The following CCDC192 variants were observed in gnomAD, a reference collection of about 807,000 sequenced individuals.
CCDC192 encodes the protein coiled-coil domain containing 192, also known as coiled-coil domain-containing protein 192.
chr5:127,739,285 G>T (rs370722914), intron 2 of CCDC192, among the ~76,000 whole-genome samples: 1 of 152,162 alleles, frequency 6.6e-6, no homozygotes, highest in African/African-American at 2.4e-5. Flanking sequence ...CAGTCTGCCC[G>T]TTCTCAGATC....
chr5:127,825,801 T>G (rs1749502370), intron 5 of CCDC192, among the ~76,000 whole-genome samples: 1 of 152,244 alleles, frequency 6.6e-6, no homozygotes, highest in African/African-American at 2.4e-5. Context: ...TTAGCCACAT[T>G]GTTAAAATTT....
At chr5:127,744,430 T>C (rs1753621920) in intron 2 of CCDC192, among the ~76,000 whole-genome samples, 1 of 152,068 alleles carries the variant, frequency 6.6e-6, no homozygotes, top group Non-Finnish European at 1.5e-5. Flanking sequence ...GTAAAATGTG[T>C]TTATCTGGCA....
intron 2 of CCDC192, among the ~76,000 whole-genome samples, chr5:127,716,648 A>T (rs1751637452): frequency 6.6e-6 from 1 of 151,920 alleles, no homozygotes; most frequent in Non-Finnish European, 1.5e-5. Context: ...TTCTCTTTTT[A>T]TATTTAGGTC....
intron 6 of CCDC192, among the ~76,000 whole-genome samples, chr5:127,900,052 T>G (rs1428037916): frequency 6.6e-6 from 1 of 152,244 alleles, no homozygotes; most frequent in African/African-American, 2.4e-5. Flanking sequence ...TGTTAACACT[T>G]ACTTTGAATA....
At chr5:127,889,724 T>A (rs1349815590) in intron 6 of CCDC192, among the ~76,000 whole-genome samples, 2 of 152,182 alleles carry the variant, frequency 1.3e-5, no homozygotes, top group Non-Finnish European at 2.9e-5. Flanking sequence ...TTTAAATTGA[T>A]TGGCCTCCCT....
intron 6 of CCDC192, among the ~76,000 whole-genome samples, chr5:127,922,470 G>A (rs1441352756): frequency 1.3e-5 from 2 of 152,224 alleles, no homozygotes; most frequent in African/African-American, 4.8e-5. Flanking sequence ...CAGGCATGGT[G>A]GCTCATGCCT....
intron 6 of CCDC192, among the ~76,000 whole-genome samples, chr5:127,919,049 G>GTT (rs1253946434): frequency 7.4e-6 from 1 of 135,114 alleles, no homozygotes; most frequent in African/African-American, 2.8e-5. Flanking sequence ...GTATATATCT[G>GTT]TGTGTGTATG....
intron 6 of CCDC192, among the ~76,000 whole-genome samples, chr5:127,877,610 A>G (rs1490487703): frequency 6.6e-6 from 1 of 152,160 alleles, no homozygotes; most frequent in East Asian, 1.9e-4. Context: ...CCCACATTCA[A>G]TAGTCCGGGA....
chr5:127,925,774 T>C (rs1208182733), intron 6 of CCDC192, among the ~76,000 whole-genome samples: 1 of 152,214 alleles, frequency 6.6e-6, no homozygotes, highest in Non-Finnish European at 1.5e-5. Flanking sequence ...ACCACTTTCA[T>C]GGCTGTCTCT....
At chr5:127,819,685 G>T (rs1580708070) in intron 5 of CCDC192, among the ~76,000 whole-genome samples, 1 of 152,242 alleles carries the variant, frequency 6.6e-6, no homozygotes, top group East Asian at 1.9e-4. Context: ...CTATTTTATA[G>T]ATTGCACCAT....
chr5:127,846,735 G>T (rs372906420), intron 5 of CCDC192, among the ~76,000 whole-genome samples: 1 of 147,038 alleles, frequency 6.8e-6, no homozygotes, highest in East Asian at 2.0e-4. Flanking sequence ...CTCCAAAACT[G>T]CTGGGATTAC....
intron 6 of CCDC192, among the ~76,000 whole-genome samples, chr5:127,916,916 G>T (rs565634189): frequency 6.6e-6 from 1 of 152,158 alleles, no homozygotes; most frequent in African/African-American, 2.4e-5. Context: ...CCTGCCCTTT[G>T]AAGCCAGGCA....
intron 5 of CCDC192, among the ~76,000 whole-genome samples, chr5:127,871,716 T>C (rs1176131762): frequency 5.3e-5 from 8 of 152,246 alleles, no homozygotes; most frequent in Non-Finnish European, 1.0e-4. Flanking sequence ...CTTCTATGAA[T>C]AGCTCCCTGG....
At chr5:127,888,133 C>T (rs903260335) in intron 6 of CCDC192, among the ~76,000 whole-genome samples, 37 of 151,734 alleles carry the variant, frequency 2.4e-4, no homozygotes, top group African/African-American at 8.7e-4. Flanking sequence ...AAAGTCAGGA[C>T]AGCCGGGTGC....
chr5:127,786,200 G>C (rs1580656127), intron 3 of CCDC192: 3 of 811,456 alleles, frequency 3.7e-6, no homozygotes, highest in African/African-American at 1.7e-5. Flanking sequence ...AATTCATCTT[G>C]TGTGCCTTCA....
At chr5:127,706,987 G>C (rs1246787486) in intron 1 of CCDC192, among the ~76,000 whole-genome samples, 1 of 152,164 alleles carries the variant, frequency 6.6e-6, no homozygotes, top group Non-Finnish European at 1.5e-5. Context: ...ATTTCAGAGA[G>C]AGAGTGATAA....
At chr5:127,733,628 C>G (rs993169128) in intron 2 of CCDC192, among the ~76,000 whole-genome samples, 1 of 152,074 alleles carries the variant, frequency 6.6e-6, no homozygotes, top group Non-Finnish European at 1.5e-5. Flanking sequence ...GAGAATCAAC[C>G]TTGGAGGCTA....
chr5:127,900,332 G>A (rs1265867709), intron 6 of CCDC192, among the ~76,000 whole-genome samples: 2 of 152,152 alleles, frequency 1.3e-5, no homozygotes, highest in East Asian at 1.9e-4. Context: ...CATGGAAAAC[G>A]GAATTGGGTT....
At chr5:127,736,846 G>T (rs1221404627) in intron 2 of CCDC192, among the ~76,000 whole-genome samples, 3 of 147,626 alleles carry the variant, frequency 2.0e-5, no homozygotes, top group Middle Eastern at 3.2e-3. Flanking sequence ...CTTGCTAGCG[G>T]TCTATCAATT....
Sources: gnomAD v4.1 joint callset for allele counts (sites outside exome capture counted in the v4.1 genomes callset) on GRCh38, gnomAD v4.1.1 for gene constraint, MANE v1.5 for transcripts, NCBI Gene and HGNC (gene_info 2026-07-23, HGNC 2026-07-21) for gene names.